Variants in GPC3 observed in about 807,000 individuals in gnomAD.
GPC3 encodes the protein glypican-3.
Under a neutral mutation model 34.4 loss-of-function variants are expected in GPC3, and 3 were observed. That is an observed-to-expected ratio of 0.09 (90% confidence interval 0.04 to 0.23). The LOEUF (loss-of-function observed/expected upper bound fraction) is 0.23. Among genes scored for constraint, GPC3 ranks in the 10% least tolerant of loss-of-function variants. The pLI, the probability that GPC3 is intolerant of heterozygous loss-of-function variation, is 1.00. For missense variants in GPC3, 351 were observed against 445.6 expected (o/e 0.79, Z 1.91); for synonymous variants, 177 against 174.0 (o/e 1.02, Z -0.13).
chrX:133,588,202 A>G (rs1325965341), intron 7 of GPC3, among the ~76,000 whole-genome samples: 1 of 111,357 alleles, frequency 9.0e-6, no homozygotes, highest in Non-Finnish European at 1.9e-5. Context: ...TGAATGGTGC[A>G]TTTCCAAAGA....
intron 2 of GPC3, among the ~76,000 whole-genome samples, chrX:133,819,846 T>C (rs2075710647): frequency 9.0e-6 from 1 of 111,725 alleles, no homozygotes; most frequent in African/African-American, 3.3e-5. Context: ...GAAACTGAGG[T>C]TCAGTGAGTT....
chrX:133,624,542 ATAAACTAGAAAATC>A (rs1201741323), intron 6 of GPC3, among the ~76,000 whole-genome samples: 1 of 112,154 alleles, frequency 8.9e-6, no homozygotes, highest in African/African-American at 3.2e-5. Context: ...CTCTATGCAA[ATAAACTAGAAAATC>A]TAGAAGAAAT....
At chrX:133,562,105 C>A (rs1157506089) in intron 7 of GPC3, among the ~76,000 whole-genome samples, 1 of 112,155 alleles carries the variant, frequency 8.9e-6, no homozygotes, top group Admixed American at 9.5e-5. Context: ...AAAATATGTA[C>A]ATGCACAGAC....
intron 2 of GPC3, among the ~76,000 whole-genome samples, chrX:133,795,144 A>G (rs1192214055): frequency 9.8e-5 from 11 of 112,658 alleles, no homozygotes; most frequent in Admixed American, 9.4e-4. Context: ...TGTGTGGATC[A>G]TGTAATGTTT....
chrX:133,962,519 C>T (rs1330676717), intron 1 of GPC3, among the ~76,000 whole-genome samples: 4 of 111,651 alleles, frequency 3.6e-5, no homozygotes, highest in East Asian at 2.8e-4. Flanking sequence ...CACACATACA[C>T]GCACATCATT....
At chrX:133,942,801 T>C (rs7054304) in intron 2 of GPC3, among the ~76,000 whole-genome samples, 12 of 112,187 alleles carry the variant, frequency 1.1e-4, no homozygotes, top group African/African-American at 2.9e-4. Flanking sequence ...AAATAATCCA[T>C]TGGTCTCTAG....
intron 2 of GPC3, among the ~76,000 whole-genome samples, chrX:133,782,166 C>T (rs2072053259): frequency 9.0e-6 from 1 of 111,338 alleles, no homozygotes; most frequent in African/African-American, 3.3e-5. Flanking sequence ...CTGTGGGAGA[C>T]AGAGTGCTAA....
chrX:133,958,453 G>A (rs2076426033), intron 1 of GPC3, among the ~76,000 whole-genome samples: 1 of 106,533 alleles, frequency 9.4e-6, no homozygotes, highest in Non-Finnish European at 1.9e-5. Flanking sequence ...GGCTGAGGAG[G>A]GAGGATCACT....
chrX:133,970,783 ACTTAT>A (rs1197260827), intron 1 of GPC3, among the ~76,000 whole-genome samples: 1 of 111,804 alleles, frequency 8.9e-6, no homozygotes, highest in African/African-American at 3.3e-5. Context: ...ATTTTGTCTA[ACTTAT>A]CTTGTTAAAT....
chrX:133,671,458 G>A, intron 5 of GPC3: 1 of 445,540 alleles, frequency 2.2e-6, no homozygotes, highest in Non-Finnish European at 3.9e-6. Context: ...AAACTTTCAT[G>A]TGAAAAAAAT....
intron 7 of GPC3, among the ~76,000 whole-genome samples, chrX:133,575,513 A>C (rs757730450): frequency 8.9e-6 from 1 of 111,979 alleles, no homozygotes; most frequent in South Asian, 3.8e-4. Context: ...TTTAGGGATG[A>C]GCGGAAGGGA....
At chrX:133,878,439 A>T in intron 2 of GPC3, among the ~76,000 whole-genome samples, 1 of 111,645 alleles carries the variant, frequency 9.0e-6, no homozygotes, top group Non-Finnish European at 1.9e-5. Flanking sequence ...AAAAAAAAAA[A>T]TCATATTATC....
At chrX:133,806,162 T>C (rs1603251171) in intron 2 of GPC3, among the ~76,000 whole-genome samples, 1 of 112,339 alleles carries the variant, frequency 8.9e-6, no homozygotes, top group African/African-American at 3.2e-5. Flanking sequence ...GAGCAGAATG[T>C]ACAAGGTTTT....
chrX:133,864,923 A>T (rs1199101495), intron 2 of GPC3, among the ~76,000 whole-genome samples: 1 of 112,674 alleles, frequency 8.9e-6, no homozygotes, highest in Non-Finnish European at 1.9e-5. Context: ...CACAGATTAC[A>T]AACTTGCCAG....
chrX:133,547,128 A>G (rs2069393634), intron 7 of GPC3, among the ~76,000 whole-genome samples: 1 of 111,411 alleles, frequency 9.0e-6, no homozygotes, highest in Admixed American at 9.6e-5. Flanking sequence ...AATAGATCTC[A>G]TGAAGGTAGA....
intron 6 of GPC3, among the ~76,000 whole-genome samples, chrX:133,624,628 A>C (rs934316322): frequency 4.5e-5 from 5 of 111,693 alleles, no homozygotes; most frequent in African/African-American, 1.6e-4. Context: ...TGAATCCCTG[A>C]ATAGACCAAT....
intron 2 of GPC3, among the ~76,000 whole-genome samples, chrX:133,910,751 A>G (rs2076194651): frequency 8.9e-6 from 1 of 112,331 alleles, no homozygotes; most frequent in Non-Finnish European, 1.9e-5. Context: ...GCTAGTTGTT[A>G]GTAGGCTTCT....
In GPC3 at chrX:133,567,546, G is replaced by A. The variant is rs143502262; in HGVS notation, c.1573+28894C>T. Among the ~76,000 whole-genome samples the A allele has an allele frequency of 7.9e-3, 885 of 112,046 alleles. 10 individuals are homozygous for A. The highest frequency in any genetic ancestry group is 0.027 in the African/African-American group (839 of 30,890). ...AGTAGGCTGCTTTTCTTCCATTTGA[G>A]TTCTCTGATCCAGGTTTGAATTTAT... is the stretch of plus-strand genomic sequence containing the variant. On this transcript the variant is annotated intron_variant, in intron 7 of 7. Coordinates refer to ENST00000370818, the MANE Select transcript of GPC3 (RefSeq NM_004484.4).
chrX:133,838,975 C>A (rs753567864), intron 2 of GPC3, among the ~76,000 whole-genome samples: 94 of 111,297 alleles, frequency 8.4e-4, no homozygotes, highest in Non-Finnish European at 1.3e-3. Context: ...CAAAAGAATG[C>A]AGCTTTGCAG....
Sources: gnomAD v4.1 joint callset for allele counts (sites outside exome capture counted in the v4.1 genomes callset) on GRCh38, gnomAD v4.1.1 for gene constraint, MANE v1.5 for transcripts, NCBI Gene and HGNC (gene_info 2026-07-23, HGNC 2026-07-21) for gene names.